The following MNAT1 variants were observed in gnomAD, a reference collection of about 807,000 sequenced individuals.
The protein encoded by MNAT1 is MNAT1 component of CDK activating kinase, also known as CDK-activating kinase assembly factor MAT1.
A neutral mutation model predicts 42.0 loss-of-function variants in MNAT1; 43 were observed. The ratio of observed to expected loss-of-function variants is 1.02; its 90% CI spans 0.80 to 1.32. The LOEUF (loss-of-function observed/expected upper bound fraction) is 1.32, where lower values mean the gene tolerates loss of function less well. Among genes scored for constraint, MNAT1 ranks in the 40% most tolerant of loss-of-function variants. MNAT1 has a pLI of 0.00. For missense variants in MNAT1, 306 were observed against 350.4 expected (o/e 0.87, Z 1.01); for synonymous variants, 118 against 120.0 (o/e 0.98, Z 0.11).
chr14:60,936,666 A>T (rs1170204148), intron 7 of MNAT1, among the ~76,000 whole-genome samples: 1 of 152,178 alleles, frequency 6.6e-6, no homozygotes, highest in Non-Finnish European at 1.5e-5. Flanking sequence ...TGCTATTGTG[A>T]ATAGTGCTGC....
chr14:60,830,458 T>G (rs2033181821), intron 6 of MNAT1, among the ~76,000 whole-genome samples: 1 of 152,190 alleles, frequency 6.6e-6, no homozygotes, highest in South Asian at 2.1e-4. Flanking sequence ...AAATTTTCTT[T>G]TTTTGGTGAT....
chr14:60,930,991 T>C (rs1341049318), intron 7 of MNAT1, among the ~76,000 whole-genome samples: 1 of 152,168 alleles, frequency 6.6e-6, no homozygotes, highest in African/African-American at 2.4e-5. Context: ...ATATTCAGAT[T>C]TATATTTTAG....
At chr14:60,936,136 T>C (rs557687532) in intron 7 of MNAT1, among the ~76,000 whole-genome samples, 3 of 152,188 alleles carry the variant, frequency 2.0e-5, no homozygotes, top group African/African-American at 7.2e-5. Context: ...TCAGACAAGG[T>C]CATGGGCAGG....
intron 6 of MNAT1, among the ~76,000 whole-genome samples, chr14:60,855,224 G>T (rs1450309169): frequency 6.6e-6 from 1 of 152,116 alleles, no homozygotes; most frequent in East Asian, 1.9e-4. Context: ...AGAATTTCAA[G>T]CCAGTGGTTC....
intron 6 of MNAT1, among the ~76,000 whole-genome samples, chr14:60,865,111 G>C (rs370606557): frequency 2.0e-5 from 3 of 152,108 alleles, no homozygotes; most frequent in East Asian, 3.9e-4. Context: ...GCACAGAAGA[G>C]TCAAATCTAA....
intron 6 of MNAT1, among the ~76,000 whole-genome samples, chr14:60,877,042 A>G (rs138432276): frequency 1.3e-5 from 2 of 152,176 alleles, no homozygotes; most frequent in African/African-American, 4.8e-5. Context: ...ACCGTTTTAC[A>G]TTCCCACTAG....
chr14:60,746,253 C>T (rs970299306), intron 1 of MNAT1, among the ~76,000 whole-genome samples: 1 of 152,156 alleles, frequency 6.6e-6, no homozygotes, highest in Non-Finnish European at 1.5e-5. Context: ...CGGTAGCTCA[C>T]ACCTGTAATC....
rs1156834558 is a variant in MNAT1 at position 60,968,294 on chromosome 14, C to T, written c.875C>T (p.Ala292Val). The change falls in exon 8 of 8, where the codon GCT becomes GTT. Residue 292 changes from alanine (A) to valine (V), a missense_variant. By Grantham distance (64) the Ala-to-Val change is moderately conservative. Coordinates refer to ENST00000261245, the MANE Select transcript of MNAT1 (RefSeq NM_002431.4). ...GCTGGAGGCTATACTTCTTCTCTTG[C>T]TTGTCACAGAGCACTACAGGATGCA... is the stretch of plus-strand genomic sequence containing the variant. ...DLAGGYTSSL[A>V]CHRALQDAFS... 4 of 1,613,896 alleles carry T rather than the reference C, an allele frequency of 2.5e-6. No homozygotes were observed. The East Asian group carries it at 6.7e-5, about 27-fold the overall frequency.
intron 3 of MNAT1, among the ~76,000 whole-genome samples, chr14:60,800,505 A>C (rs1442489650): frequency 6.6e-6 from 1 of 152,156 alleles, no homozygotes; most frequent in Non-Finnish European, 1.5e-5. Context: ...GCGCCACTGC[A>C]CTCCAACCTA....
intron 3 of MNAT1, chr14:60,799,310 G>T (rs1170292282): frequency 1.0e-6 from 1 of 985,158 alleles, no homozygotes; most frequent in African/African-American, 1.7e-5. Context: ...AATTGGGAGT[G>T]ACAAGGCAAA....
chr14:60,828,648 AG>A (rs2033128381), intron 6 of MNAT1, among the ~76,000 whole-genome samples: 1 of 152,118 alleles, frequency 6.6e-6, no homozygotes, highest in Admixed American at 6.6e-5. Context: ...AACCGGAATT[AG>A]TGCAAACCCC....
chr14:60,736,663 A>G (rs1042059753), intron 1 of MNAT1, among the ~76,000 whole-genome samples: 1 of 152,170 alleles, frequency 6.6e-6, no homozygotes, highest in Admixed American at 6.5e-5. Flanking sequence ...AAGCTTTGGA[A>G]TGAGCCTGTC....
chr14:60,881,256 C>G (rs551668264), intron 7 of MNAT1, among the ~76,000 whole-genome samples: 1 of 152,268 alleles, frequency 6.6e-6, no homozygotes, highest in East Asian at 1.9e-4. Flanking sequence ...GCAATCTTGG[C>G]TCACTGCAAC....
intron 7 of MNAT1, among the ~76,000 whole-genome samples, chr14:60,939,912 G>T (rs930958227): frequency 6.6e-6 from 1 of 152,106 alleles, no homozygotes; most frequent in African/African-American, 2.4e-5. Context: ...GAATCTGGGT[G>T]CTCCTGTATT....
intron 6 of MNAT1, among the ~76,000 whole-genome samples, chr14:60,854,391 T>C (rs984153540): frequency 3.9e-5 from 6 of 152,234 alleles, no homozygotes; most frequent in African/African-American, 1.4e-4. Flanking sequence ...TTCTGGTTTT[T>C]GGAATTTTCA....
At chr14:60,868,044 T>G (rs929691758) in intron 6 of MNAT1, among the ~76,000 whole-genome samples, 1 of 152,044 alleles carries the variant, frequency 6.6e-6, no homozygotes, top group African/African-American at 2.4e-5. Context: ...AGTATAAAAA[T>G]CTCTCTGCTT....
chr14:60,737,835 A>G (rs1464071819), intron 1 of MNAT1, among the ~76,000 whole-genome samples: 2 of 150,764 alleles, frequency 1.3e-5, no homozygotes, highest in Non-Finnish European at 3.0e-5. Context: ...CTTGGACAAC[A>G]TAGGGAAACC....
chr14:60,772,347 G>A (rs150270860), intron 1 of MNAT1, among the ~76,000 whole-genome samples: 1,997 of 152,320 alleles, frequency 0.013, 46 homozygotes, highest in African/African-American at 0.046. Flanking sequence ...CACTTTGGGA[G>A]GCGGAGGCAG....
chr14:60,850,549 T>G (rs1339434314), intron 6 of MNAT1, among the ~76,000 whole-genome samples: 1 of 152,250 alleles, frequency 6.6e-6, no homozygotes, highest in East Asian at 1.9e-4. Flanking sequence ...TTTTAATGTT[T>G]GAGAGCTTCA....
Sources: allele counts gnomAD v4.1 joint callset (sites outside exome capture counted in the v4.1 genomes callset), GRCh38; gene constraint gnomAD v4.1.1; transcripts MANE v1.5; gene names NCBI Gene and HGNC (gene_info 2026-07-23, HGNC 2026-07-21).